Variants in ME3 observed in about 807,000 individuals in gnomAD.
ME3 encodes malic enzyme 3, also known as NADP-dependent malic enzyme, mitochondrial.
A neutral mutation model predicts 68.9 loss-of-function variants in ME3; 48 were observed. That is an observed-to-expected ratio of 0.70 (90% CI 0.55 to 0.89). The LOEUF is 0.89. Ranked by LOEUF, ME3 falls within the 40% of genes least tolerant of loss-of-function variation. The pLI is 0.00. For synonymous variants in ME3, 320 were observed against 318.8 expected, an observed-to-expected ratio of 1.00 and a Z score of -0.04; for missense variants, 675 against 797.4, an observed-to-expected ratio of 0.85 and a Z score of 1.85.
At chr11:86,496,311 TAGG>T (rs1236746114) in intron 6 of ME3, among the ~76,000 whole-genome samples, 1 of 151,828 alleles carries the variant, frequency 6.6e-6, no homozygotes, top group Admixed American at 6.6e-5. Context: ...GAGGCTGAGA[TAGG>T]AGAATTGCTT....
chr11:86,532,171 G>A (rs1241228435), intron 4 of ME3, among the ~76,000 whole-genome samples: 1 of 151,852 alleles, frequency 6.6e-6, no homozygotes, highest in African/African-American at 2.4e-5. Context: ...TCATCAAGAG[G>A]GTGTAACTTC....
chr11:86,441,427 G>T (rs542807114), exon 15 of ME3: 2 of 1,595,602 alleles, frequency 1.3e-6, no homozygotes, highest in South Asian at 2.3e-5. Flanking sequence ...GTGTTTGTAC[G>T]CGTAGTCGAG....
At chr11:86,528,247 A>G (rs1255176946) in intron 4 of ME3, among the ~76,000 whole-genome samples, 1 of 152,220 alleles carries the variant, frequency 6.6e-6, no homozygotes, top group East Asian at 1.9e-4. Flanking sequence ...CAAAAATCAA[A>G]AGAGACAAAG....
chr11:86,450,094 T>TC, intron 9 of ME3, 92 bp from the exon 10 acceptor site: 1 of 1,128,462 alleles, frequency 8.9e-7, no homozygotes, highest in Non-Finnish European at 1.3e-6. Flanking sequence ...CCCTTTTCTT[T>TC]CCCCCACCTC....
chr11:86,666,837 A>G (rs1006073203), intron 2 of ME3, among the ~76,000 whole-genome samples: 1 of 152,232 alleles, frequency 6.6e-6, no homozygotes, highest in Non-Finnish European at 1.5e-5. Context: ...CTAATTATCC[A>G]TACAACACAC....
chr11:86,662,999 A>G (rs1946377758), intron 2 of ME3, among the ~76,000 whole-genome samples: 1 of 152,224 alleles, frequency 6.6e-6, no homozygotes. Flanking sequence ...TTTCTGAAAG[A>G]GCAAAGCAAA....
intron 2 of ME3, among the ~76,000 whole-genome samples, chr11:86,647,885 A>T (rs1346049744): frequency 6.6e-6 from 1 of 152,206 alleles, no homozygotes; most frequent in East Asian, 1.9e-4. Flanking sequence ...CAGGACTTGA[A>T]CTCAGCTCTG....
At chr11:86,570,273 T>C (rs1271431684) in intron 2 of ME3, among the ~76,000 whole-genome samples, 1 of 152,204 alleles carries the variant, frequency 6.6e-6, no homozygotes, top group Non-Finnish European at 1.5e-5. Context: ...GAGGGTAGCA[T>C]AGCTGGGATA....
intron 4 of ME3, among the ~76,000 whole-genome samples, chr11:86,553,917 C>T (rs1469261867): frequency 1.3e-5 from 2 of 151,790 alleles, no homozygotes; most frequent in Non-Finnish European, 2.9e-5. Flanking sequence ...CCTGTCTACA[C>T]TTTGGTTCAG....
intron 7 of ME3, among the ~76,000 whole-genome samples, chr11:86,476,294 G>T (rs1951079022): frequency 6.6e-6 from 1 of 152,198 alleles, no homozygotes; most frequent in Admixed American, 6.5e-5. Context: ...AAAATAGCGA[G>T]CACGAAGGCT....
chr11:86,578,893 G>A lies in ME3; in HGVS notation c.184-19070C>T, dbSNP rs542940336. On this transcript the variant is annotated intron_variant, in intron 2 of 14. Transcript: ENST00000543262. ...TTAGAACCACTGCCCTATGTGGTAG[G>A]CTGTCAAAGTGTCATTCCCATTTTG... 5.9e-5 allele frequency among the ~76,000 whole-genome samples: 9 copies of A among 152,262 alleles called. No individual in the cohort carries two copies. In the South Asian group the frequency reaches 1.9e-3, roughly 32 times the overall value.
intron 2 of ME3, among the ~76,000 whole-genome samples, chr11:86,669,229 AC>A (rs1380690362): frequency 2.6e-5 from 4 of 152,220 alleles, no homozygotes. Flanking sequence ...GGGGATGCCA[AC>A]AGGCTGTCAG....
At chr11:86,672,137 G>A in intron 1 of ME3, 179 bp from the exon 2 acceptor site, 1 of 533,966 alleles carries the variant, frequency 1.9e-6, no homozygotes, top group Non-Finnish European at 3.0e-6. Context: ...GCTCCGCGCG[G>A]GGCGCCAGGC....
chr11:86,570,422 G>T (rs1399328901), intron 2 of ME3, among the ~76,000 whole-genome samples: 2 of 152,100 alleles, frequency 1.3e-5, no homozygotes, highest in African/African-American at 2.4e-5. Context: ...GGGTGATGGG[G>T]ATTCTGGTTG....
chr11:86,637,060 A>T (rs1944376053), intron 2 of ME3, among the ~76,000 whole-genome samples: 1 of 152,196 alleles, frequency 6.6e-6, no homozygotes, highest in Admixed American at 6.5e-5. Flanking sequence ...GAAGCAAAAA[A>T]TGGCGAAAAA....
chr11:86,636,819 A>G (rs796859405), intron 2 of ME3, among the ~76,000 whole-genome samples: 5 of 152,344 alleles, frequency 3.3e-5, no homozygotes, highest in African/African-American at 1.2e-4. Flanking sequence ...TAAATGAGCA[A>G]GATACATGAA....
intron 4 of ME3, among the ~76,000 whole-genome samples, chr11:86,527,307 T>G (rs1292246685): frequency 6.6e-6 from 1 of 151,890 alleles, no homozygotes; most frequent in Non-Finnish European, 1.5e-5. Context: ...AGAAGAGAAG[T>G]TTAGAGAAAA....
intron 4 of ME3, among the ~76,000 whole-genome samples, chr11:86,534,175 T>C (rs1004104521): frequency 7.1e-6 from 1 of 141,084 alleles, no homozygotes; most frequent in African/African-American, 2.7e-5. Context: ...GAAGTTGCTC[T>C]GGGTGAGTCA....
chr11:86,648,626 CATA>C (rs1243100675), intron 2 of ME3, among the ~76,000 whole-genome samples: 1 of 151,836 alleles, frequency 6.6e-6, no homozygotes, highest in Admixed American at 6.6e-5. Context: ...ATCTAATAGA[CATA>C]ATAAAAAATG....
Sources: gnomAD v4.1 joint callset for allele counts (sites outside exome capture counted in the v4.1 genomes callset) on GRCh38, gnomAD v4.1.1 for gene constraint, MANE v1.5 for transcripts, NCBI Gene and HGNC (gene_info 2026-07-23, HGNC 2026-07-21) for gene names.